Variants in CELF2 observed in about 807,000 individuals in gnomAD.
CELF2 encodes CUGBP Elav-like family member 2.
A neutral mutation model predicts 62.6 loss-of-function variants in CELF2; 8 were observed. That is an observed-to-expected ratio of 0.13 (90% CI 0.07 to 0.23). CELF2 has a LOEUF of 0.23. Ranked by LOEUF, CELF2 falls within the 10% of genes least tolerant of loss-of-function variation. CELF2 has a pLI of 1.00. For missense variants in CELF2, 333 were observed against 671.0 expected (o/e 0.50, Z 5.56); for synonymous variants, 258 against 250.0 (o/e 1.03, Z -0.30).
Position 11,095,254 on chromosome 10 carries a change from A to C in CELF2, c.75-70232A>C, listed in dbSNP as rs573277364. ...TCTGAGAGAAGCATGCACATGTAACACACATCAGCAGGCTACTAAGCAGAG... is the reference window on the plus strand; with the variant it reads ...TCTGAGAGAAGCATGCACATGTAACCCACATCAGCAGGCTACTAAGCAGAG... On this transcript the variant is annotated intron_variant, in intron 1 of 12. Coordinates refer to ENST00000633077, the MANE Select transcript of CELF2 (RefSeq NM_001326342.2). Among the ~76,000 whole-genome samples the C allele has an allele frequency of 3.3e-5, 5 of 152,316 alleles. No homozygotes were observed. In the East Asian group the frequency reaches 9.6e-4, roughly 29 times the overall value.
At chr10:10,950,641 A>G (rs1391015223) in intron 2 of CELF2, among the ~76,000 whole-genome samples, 1 of 152,188 alleles carries the variant, frequency 6.6e-6, no homozygotes, top group Non-Finnish European at 1.5e-5. Context: ...ACGATTCCCC[A>G]TTGCTGCTGC....
intron 2 of CELF2, among the ~76,000 whole-genome samples, chr10:10,933,015 C>A (rs1219946136): frequency 1.3e-5 from 2 of 152,056 alleles, no homozygotes; most frequent in Admixed American, 1.3e-4. Context: ...TGACACAAGG[C>A]CGGGCACAGT....
chr10:11,198,444 C>G (rs2058490156), intron 2 of CELF2, among the ~76,000 whole-genome samples: 1 of 152,172 alleles, frequency 6.6e-6, no homozygotes, highest in Non-Finnish European at 1.5e-5. Flanking sequence ...TAATCTGTTG[C>G]CAACATCTTT....
chr10:10,526,972 C>A, the CELF2 span, among the ~76,000 whole-genome samples: 1 of 152,212 alleles, frequency 6.6e-6, no homozygotes, highest in African/African-American at 2.4e-5. Flanking sequence ...TCAGCAGCAG[C>A]AGTTTGAGCT....
chr10:10,924,164 C>T (rs1478212669), intron 2 of CELF2: 2 of 151,296 alleles, frequency 1.3e-5, no homozygotes, highest in Admixed American at 6.6e-5. Flanking sequence ...CGCCTGTAGT[C>T]CCAGCTACTC....
chr10:11,149,379 ATATAT>A (rs2062886857), intron 1 of CELF2, among the ~76,000 whole-genome samples: 1 of 152,170 alleles, frequency 6.6e-6, no homozygotes, highest in Non-Finnish European at 1.5e-5. Flanking sequence ...CTATTGACAC[ATATAT>A]TAAGGAAATG....
intron 2 of CELF2, among the ~76,000 whole-genome samples, chr10:11,203,133 A>G (rs1350499811): frequency 6.6e-6 from 1 of 152,124 alleles, no homozygotes; most frequent in East Asian, 1.9e-4. Flanking sequence ...ATTGAGAAAA[A>G]TGAAAGTTTT....
chr10:10,752,990 G>A, the CELF2 span, among the ~76,000 whole-genome samples: 1 of 152,070 alleles, frequency 6.6e-6, no homozygotes, highest in African/African-American at 2.4e-5. Context: ...CTTAAAGACA[G>A]TGTTTTCCAA....
the CELF2 span, among the ~76,000 whole-genome samples, chr10:10,516,949 G>A: frequency 3.3e-5 from 5 of 151,822 alleles, no homozygotes; most frequent in Non-Finnish European, 5.9e-5. Flanking sequence ...TTCTCCTTCC[G>A]CAGCACAGCA....
intron 3 of CELF2, among the ~76,000 whole-genome samples, chr10:11,230,295 AT>A (rs145294311): frequency 0.061 from 9,233 of 151,298 alleles, 405 homozygotes; most frequent in African/African-American, 0.12. Context: ...GAAAAAATTA[AT>A]TTTTTTTTTA....
chr10:10,895,768 T>A (rs1322638970), intron 1 of CELF2, among the ~76,000 whole-genome samples: 1 of 152,078 alleles, frequency 6.6e-6, no homozygotes, highest in Non-Finnish European at 1.5e-5. Flanking sequence ...TATTAATAAA[T>A]CATACTTTTG....
chr10:10,508,454 C>T, the CELF2 span, among the ~76,000 whole-genome samples: 2 of 152,196 alleles, frequency 1.3e-5, no homozygotes, highest in African/African-American at 4.8e-5. Context: ...AAACAACCTA[C>T]ATCAGAGAGC....
At chr10:10,714,263 T>G in the CELF2 span, among the ~76,000 whole-genome samples, 1 of 152,220 alleles carries the variant, frequency 6.6e-6, no homozygotes, top group African/African-American at 2.4e-5. Flanking sequence ...CACTGTTATT[T>G]CGTCTGTAAT....
chr10:11,084,323 G>A (rs1018280852), intron 1 of CELF2, among the ~76,000 whole-genome samples: 1 of 152,218 alleles, frequency 6.6e-6, no homozygotes, highest in African/African-American at 2.4e-5. Context: ...ACACAAGATT[G>A]GCTGTGTTTT....
At chr10:11,310,921 G>T (rs1249040274) in intron 9 of CELF2, among the ~76,000 whole-genome samples, 1 of 152,150 alleles carries the variant, frequency 6.6e-6, no homozygotes, top group Admixed American at 6.5e-5. Context: ...TTAAGTGAAA[G>T]AGGAAACTCA....
chr10:11,196,159 A>C (rs1251454916), intron 2 of CELF2, among the ~76,000 whole-genome samples: 1 of 152,196 alleles, frequency 6.6e-6, no homozygotes, highest in Non-Finnish European at 1.5e-5. Flanking sequence ...CTGAATATGT[A>C]ATTTGGAGTC....
At chr10:11,326,051 A>G in intron 12 of CELF2, 72 bp downstream of exon 12, 7 of 1,454,818 alleles carry the variant, frequency 4.8e-6, no homozygotes. Flanking sequence ...GGAAAATGTG[A>G]GACAGTTTCA....
the CELF2 span, among the ~76,000 whole-genome samples, chr10:10,589,026 G>T: frequency 6.6e-6 from 1 of 152,148 alleles, no homozygotes; most frequent in African/African-American, 2.4e-5. Context: ...GTCTCAGGGG[G>T]TACTAATGAC....
At chr10:10,859,805 G>C (rs1459579628) in intron 1 of CELF2, among the ~76,000 whole-genome samples, 1 of 152,042 alleles carries the variant, frequency 6.6e-6, no homozygotes, top group South Asian at 2.1e-4. Flanking sequence ...AGGAACACCT[G>C]CTTATATCAA....
Sources: gnomAD v4.1 joint callset for allele counts (sites outside exome capture counted in the v4.1 genomes callset) on GRCh38, gnomAD v4.1.1 for gene constraint, MANE v1.5 for transcripts, NCBI Gene and HGNC (gene_info 2026-07-23, HGNC 2026-07-21) for gene names.